Variants in MAEL observed in about 807,000 individuals in gnomAD.
MAEL encodes protein maelstrom homolog.
In MAEL, 46 loss-of-function variants were observed where a neutral mutation model predicts 62.0. The ratio of observed to expected loss-of-function variants is 0.74; its 90% CI spans 0.59 to 0.95. The LOEUF (loss-of-function observed/expected upper bound fraction) is 0.95. MAEL is among the 40% of genes least tolerant of loss of function. The pLI is 0.00. For synonymous variants in MAEL, 172 were observed against 175.5 expected (o/e 0.98, Z 0.16); for missense variants, 497 against 526.8 (o/e 0.94, Z 0.55).
intron 2 of MAEL, 138 bp downstream of exon 2, chr1:166,989,967 C>G (rs1664094311): frequency 1.5e-6 from 1 of 663,630 alleles, no homozygotes; most frequent in South Asian, 2.1e-5. Flanking sequence ...TTCTTCTTTT[C>G]CCCTGGTGTC....
intron 5 of MAEL, among the ~76,000 whole-genome samples, chr1:167,001,482 C>A (rs1664663807): frequency 1.3e-5 from 2 of 152,166 alleles, no homozygotes; most frequent in Admixed American, 6.5e-5. Context: ...CTCAGGTGAT[C>A]ATTCGTATTT....
chr1:166,992,194 A>G (rs1336683598), intron 3 of MAEL, among the ~76,000 whole-genome samples: 2 of 152,138 alleles, frequency 1.3e-5, no homozygotes, highest in South Asian at 2.1e-4. Context: ...TTGGTAAATA[A>G]CACTTCACAC....
At chr1:166,982,074 G>A (rs950587185) in intron 1 of MAEL, among the ~76,000 whole-genome samples, 1 of 152,132 alleles carries the variant, frequency 6.6e-6, no homozygotes, top group Non-Finnish European at 1.5e-5. Context: ...AATTGAGAAA[G>A]ACATTGCAAG....
chr1:167,000,153 T>C (rs1664600037), intron 5 of MAEL, among the ~76,000 whole-genome samples: 1 of 152,182 alleles, frequency 6.6e-6, no homozygotes, highest in Admixed American at 6.5e-5. Context: ...ATATGTTTTA[T>C]AAGGCTATAG....
upstream of MAEL, chr1:166,989,267 G>T: frequency 6.6e-7 from 1 of 1,505,396 alleles, no homozygotes; most frequent in Non-Finnish European, 8.9e-7. Flanking sequence ...GTGCGCAGGC[G>T]CCTACCTCTG....
chr1:167,012,163 C>G (rs1415431470), intron 8 of MAEL, among the ~76,000 whole-genome samples: 1 of 152,076 alleles, frequency 6.6e-6, no homozygotes, highest in East Asian at 1.9e-4. Flanking sequence ...GAAACTTATT[C>G]CAACCACTGC....
chr1:166,998,567 C>G (rs927783762), intron 5 of MAEL, among the ~76,000 whole-genome samples: 5 of 152,030 alleles, frequency 3.3e-5, no homozygotes, highest in African/African-American at 4.8e-5. Context: ...GTATGCTGAC[C>G]AGTACCTCTA....
intron 1 of MAEL, 101 bp downstream of exon 1, chr1:166,989,585 C>G: frequency 6.6e-7 from 1 of 1,509,892 alleles, no homozygotes; most frequent in Non-Finnish European, 8.9e-7. Flanking sequence ...GCGGCTTGGC[C>G]CTGCCAGAGG....
At chr1:166,989,554 A>C in intron 1 of MAEL, 70 bp downstream of exon 1, 1 of 1,545,058 alleles carries the variant, frequency 6.5e-7, no homozygotes, top group Non-Finnish European at 8.8e-7. Flanking sequence ...GCGGGAGGGC[A>C]GAAGGCCTCG....
At position 167,005,363 on chromosome 1, in the gene MAEL, G is replaced by C; in HGVS notation, c.811G>C (p.Asp271His). Residue 271 changes from aspartate to histidine, a missense_variant, in exon 8 of 12, where the codon GAT (aspartate) becomes CAT (histidine). Coordinates refer to ENST00000367872, the MANE Select transcript of MAEL (RefSeq NM_032858.3). Reference sequence around the variant, plus strand: ...TAAGACTTGGATTCGAAGCCTCCTAGATGTGGCCATGTGGGATTATTCTAG... The same window carrying C: ...TAAGACTTGGATTCGAAGCCTCCTACATGTGGCCATGTGGGATTATTCTAG... ...PSKTWIRSLL[D>H]VAMWDYSSNT... 1 of 1,613,072 alleles carries C rather than the reference G, an allele frequency of 6.2e-7. No homozygotes were observed. The highest frequency in any genetic ancestry group is 8.5e-7 in the Non-Finnish European group (1 of 1,179,516).
chr1:166,989,162 C>G, upstream of MAEL: 2 of 779,734 alleles, frequency 2.6e-6, no homozygotes, highest in Non-Finnish European at 4.0e-6. Flanking sequence ...CGCAAGGCGG[C>G]ACGAGCCGGA....
chr1:167,007,379 G>A (rs188485779), intron 8 of MAEL, among the ~76,000 whole-genome samples: 1 of 152,058 alleles, frequency 6.6e-6, no homozygotes, highest in Admixed American at 6.6e-5. Flanking sequence ...TATGTTCCAG[G>A]CCTATCTTGT....
rs760910520 is a variant in MAEL, at chr1:167,000,930, C to T, written c.524-3250C>T. Among the ~76,000 whole-genome samples the T allele has an allele frequency of 2.6e-5, 4 of 152,100 alleles. No homozygotes were observed. The South Asian group carries it at 8.3e-4, about 32-fold the overall frequency. ...TCTACCCAGAGGAAAAGAAGTCATACGAAAAGGATAACTTGCACACACATG... is the reference window on the plus strand; with the variant it reads ...TCTACCCAGAGGAAAAGAAGTCATATGAAAAGGATAACTTGCACACACATG... On this transcript the variant is annotated intron_variant, in intron 5 of 11. Transcript: ENST00000367872.
upstream of MAEL, among the ~76,000 whole-genome samples, chr1:166,984,574 C>T (rs1663858645): frequency 6.6e-6 from 1 of 152,000 alleles, no homozygotes; most frequent in South Asian, 2.1e-4. Flanking sequence ...TATAAAATAA[C>T]CCCCCTAAAT....
At position 166,992,831 on chromosome 1, in the gene MAEL, T is replaced by C; in HGVS notation, c.471T>C (p.Phe157=). 1 of 1,594,502 alleles carries C rather than the reference T, an allele frequency of 6.3e-7. No homozygotes were observed. Among genetic ancestry groups the C allele is most frequent in the Non-Finnish European group, 8.5e-7 (1 of 1,174,174 alleles). Residue 157 remains phenylalanine (F), a synonymous_variant, in exon 4 of 12, where the codon TTT becomes TTC. Transcript: ENST00000367872. ...QEGIMADFHS[F]INPGEIPRGF... is the part of the protein sequence containing the mutation. ...GTATTATGGCAGATTTCCACAGTTT[T>C]ATAAATCCTGGTAAGTAGTCAGAGT...
rs72689330 is a variant in MAEL, at chr1:167,003,352, C to T, written c.524-828C>T. Among the ~76,000 whole-genome samples the T allele has an allele frequency of 8.7e-3, 1,321 of 152,226 alleles. 11 individuals are homozygous for T. The highest frequency in any genetic ancestry group is 0.013 in the Non-Finnish European group (862 of 68,002). The stretch of plus-strand genomic sequence containing the variant: ...TCTGTCTATTCAAAATCTGGAGTAC[C>T]TGTGGGTATCTTTCTGTCAACTATA... On this transcript the variant is annotated intron_variant, in intron 5 of 11. Coordinates refer to ENST00000367872, the MANE Select transcript of MAEL (RefSeq NM_032858.3).
At chr1:167,020,402 A>C (rs1401730904) in intron 10 of MAEL, among the ~76,000 whole-genome samples, 29 of 152,154 alleles carry the variant, frequency 1.9e-4, no homozygotes. Flanking sequence ...GCTGGAAAGG[A>C]ACTACCACGC....
chr1:166,989,685 G>A (rs1664073862), intron 1 of MAEL, 52 bp from the exon 2 acceptor site: 1 of 1,572,976 alleles, frequency 6.4e-7, no homozygotes, highest in African/African-American at 1.3e-5. Context: ...GGGCCCTAGA[G>A]CACGGGATCC....
chr1:166,991,358 A>G lies in MAEL; in HGVS notation c.226-20A>G, dbSNP rs753130978. On this transcript the variant is annotated intron_variant, in intron 2 of 11. Coordinates refer to ENST00000367872, the MANE Select transcript of MAEL (RefSeq NM_032858.3). ...TGCCCAGCAAGAGTTTATGTGGCCA[A>G]TCATTCTCTTCCTCTTTAGAAACCT... 1.1e-5 allele frequency: 17 copies of G among 1,523,372 alleles called. No individual in the cohort carries two copies. The highest frequency in any genetic ancestry group is 4.5e-5 in the East Asian group (2 of 44,434). The allele number at this position is 1,523,372 out of a possible 1,614,324, so 94.4% of individuals were successfully genotyped here.
Sources: gnomAD v4.1 joint callset for allele counts (sites outside exome capture counted in the v4.1 genomes callset) on GRCh38, gnomAD v4.1.1 for gene constraint, MANE v1.5 for transcripts, NCBI Gene and HGNC (gene_info 2026-07-23, HGNC 2026-07-21) for gene names.